PPARGC1A: variants seen among roughly 807,000 people sequenced by gnomAD.
PPARGC1A encodes PPARG coactivator 1 alpha, also known as peroxisome proliferator-activated receptor gamma coactivator 1-alpha.
Under a neutral mutation model 88.7 loss-of-function variants are expected in PPARGC1A, and 25 were observed. The observed-to-expected ratio is 0.28, with a 90% CI of 0.21 to 0.39. PPARGC1A has a LOEUF of 0.39. Among genes scored for constraint, PPARGC1A ranks in the 10% least tolerant of loss-of-function variants. The pLI, the probability that PPARGC1A is intolerant of heterozygous loss-of-function variation, is 1.00. For synonymous variants in PPARGC1A, 363 were observed against 355.6 expected (o/e 1.02, Z -0.24); for missense variants, 880 against 968.7 (o/e 0.91, Z 1.22).
chr4:24,412,524 AT>A, the PPARGC1A span, among the ~76,000 whole-genome samples: 1 of 152,188 alleles, frequency 6.6e-6, no homozygotes. Context: ...CTTGTTGCCC[AT>A]GCTGGAGTGC....
chr4:24,102,403 TCTC>T, the PPARGC1A span, among the ~76,000 whole-genome samples: 1 of 152,168 alleles, frequency 6.6e-6, no homozygotes, highest in South Asian at 2.1e-4. Context: ...GCTAATAAAC[TCTC>T]CTCATCTAGA....
the PPARGC1A span, among the ~76,000 whole-genome samples, chr4:24,037,639 A>T: frequency 8.5e-5 from 13 of 152,326 alleles, no homozygotes; most frequent in South Asian, 2.1e-3. Context: ...TCATCTCCTG[A>T]TTACCGACAG....
At chr4:24,036,591 T>C in the PPARGC1A span, among the ~76,000 whole-genome samples, 2 of 150,276 alleles carry the variant, frequency 1.3e-5, no homozygotes, top group African/African-American at 4.9e-5. Context: ...TGTAAGAACA[T>C]AGAAAAATCT....
chr4:24,470,615 C>A, the PPARGC1A span, among the ~76,000 whole-genome samples: 2 of 152,000 alleles, frequency 1.3e-5, no homozygotes, highest in African/African-American at 4.8e-5. The surrounding 1 kb of genome is among the most constrained non-coding windows in gnomAD (Gnocchi z 5.8). Flanking sequence ...CCTCGTGTCT[C>A]CCGGCTGCCT....
the PPARGC1A span, among the ~76,000 whole-genome samples, chr4:24,263,558 T>G: frequency 1.3e-5 from 2 of 152,104 alleles, no homozygotes; most frequent in East Asian, 3.9e-4. Flanking sequence ...CAATAAAAGT[T>G]ATACCAAGTG....
chr4:24,470,180 G>T, the PPARGC1A span, among the ~76,000 whole-genome samples: 1 of 151,856 alleles, frequency 6.6e-6, no homozygotes, highest in Non-Finnish European at 1.5e-5. This position sits in a 1 kb window ranked among gnomAD's most constrained non-coding sequence, Gnocchi z 5.8. Flanking sequence ...CCCGAATGCC[G>T]GCCGGGCTTG....
chr4:24,140,898 T>C, the PPARGC1A span, among the ~76,000 whole-genome samples: 1 of 152,178 alleles, frequency 6.6e-6, no homozygotes, highest in African/African-American at 2.4e-5. Flanking sequence ...AGAACAAAGA[T>C]GGAGACAGTC....
chr4:23,973,907 G>C, the PPARGC1A span, among the ~76,000 whole-genome samples: 1 of 151,812 alleles, frequency 6.6e-6, no homozygotes, highest in Non-Finnish European at 1.5e-5. Context: ...CATATGGTGG[G>C]CTACGGAGGA....
chr4:24,026,744 G>T, the PPARGC1A span, among the ~76,000 whole-genome samples: 1 of 152,118 alleles, frequency 6.6e-6, no homozygotes, highest in Non-Finnish European at 1.5e-5. Flanking sequence ...GCAATCATCT[G>T]CAGTTTGTCT....
chr4:24,439,596 G>A, the PPARGC1A span, among the ~76,000 whole-genome samples: 2 of 152,136 alleles, frequency 1.3e-5, no homozygotes, highest in Non-Finnish European at 2.9e-5. Context: ...GCCACCATCT[G>A]GGTACTACCA....
the PPARGC1A span, among the ~76,000 whole-genome samples, chr4:24,442,986 T>C: frequency 6.6e-6 from 1 of 152,176 alleles, no homozygotes; most frequent in African/African-American, 2.4e-5. Flanking sequence ...TTAAATAATA[T>C]ATTCCCCTTT....
the PPARGC1A span, among the ~76,000 whole-genome samples, chr4:24,325,687 C>T: frequency 6.6e-6 from 1 of 152,168 alleles, no homozygotes; most frequent in African/African-American, 2.4e-5. Flanking sequence ...TGACGCTGCC[C>T]GATCGCCTCG....
chr4:23,934,653 A>T, the PPARGC1A span, among the ~76,000 whole-genome samples: 7 of 152,314 alleles, frequency 4.6e-5, no homozygotes, highest in African/African-American at 1.4e-4. Context: ...TGTGTGGCCC[A>T]TGCTGGTGAA....
At chr4:23,836,473 T>C (rs964852763) in intron 2 of PPARGC1A, among the ~76,000 whole-genome samples, 2 of 152,192 alleles carry the variant, frequency 1.3e-5, no homozygotes, top group Admixed American at 1.3e-4. Flanking sequence ...TCACTCATGG[T>C]GTAAAGAATT....
At chr4:24,335,901 TA>T in the PPARGC1A span, among the ~76,000 whole-genome samples, 1 of 152,144 alleles carries the variant, frequency 6.6e-6, no homozygotes, top group Admixed American at 6.5e-5. Flanking sequence ...TAAAAATAAA[TA>T]AATAAAAGTA....
the PPARGC1A span, among the ~76,000 whole-genome samples, chr4:24,407,111 G>C: frequency 5.3e-5 from 8 of 152,190 alleles, no homozygotes; most frequent in East Asian, 1.4e-3. Context: ...TGAAGCTCCG[G>C]AGGCCTCCAA....
At chr4:24,459,150 A>G in the PPARGC1A span, among the ~76,000 whole-genome samples, 1 of 152,200 alleles carries the variant, frequency 6.6e-6, no homozygotes, top group Non-Finnish European at 1.5e-5. Context: ...AAATTTTTTT[A>G]ATTAAAAGGT....
the PPARGC1A span, among the ~76,000 whole-genome samples, chr4:24,316,687 C>T: frequency 7.2e-5 from 11 of 152,334 alleles, no homozygotes; most frequent in African/African-American, 2.4e-4. Flanking sequence ...CTCTCAGCTT[C>T]CACGTCATCA....
chr4:23,902,624 T>TCTCTAG (rs1719543986), upstream of PPARGC1A, among the ~76,000 whole-genome samples: 1 of 152,204 alleles, frequency 6.6e-6, no homozygotes, highest in Admixed American at 6.5e-5. Flanking sequence ...TACTCTAGGA[T>TCTCTAG]GAAGAAGATG....
Sources: allele counts gnomAD v4.1 joint callset (sites outside exome capture counted in the v4.1 genomes callset), GRCh38; gene constraint gnomAD v4.1.1; non-coding constraint Gnocchi (gnomAD v3.1); transcripts MANE v1.5; gene names NCBI Gene and HGNC (gene_info 2026-07-23, HGNC 2026-07-21).